The following ZPR1 variants were observed in gnomAD, a reference collection of about 807,000 sequenced individuals.
ZPR1 encodes ZPR1 zinc finger, also known as zinc finger protein ZPR1.
ZPR1 carries 37 observed loss-of-function variants against 59.6 expected under a neutral mutation model. The observed-to-expected ratio is 0.62, with a 90% CI of 0.48 to 0.82. The LOEUF is 0.82. Ranked by LOEUF, ZPR1 falls within the 40% of genes least tolerant of loss-of-function variation. ZPR1 has a pLI of 0.00. For synonymous variants in ZPR1, 191 were observed against 215.2 expected (o/e 0.89, Z 0.99); for missense variants, 527 against 579.9 (o/e 0.91, Z 0.94).
rs1323612337 is a variant in ZPR1 at position 116,775,479 on chromosome 11, T to G, written c.*3446A>C. The G allele has an allele frequency of 4.4e-5, 6 of 137,844 alleles. No individual in the cohort carries two copies. Among genetic ancestry groups the G allele is most frequent in the African/African-American group, 1.4e-4 (5 of 36,276 alleles). The allele number at this position is 137,844 out of a possible 1,614,324, so 8.5% of individuals were successfully genotyped here. A position where few individuals can be genotyped will look rare whatever the true frequency, so the allele number is the denominator to read the frequency against. ...TCCAAAAAAAAAAAAAAAAAAAAAA[T>G]TAGCCAGGCATGGTGGCGTGCACCT... On this transcript the variant is annotated 3_prime_UTR_variant, in exon 14 of 14. Transcript: ENST00000227322.
rs1940688563 is a variant in ZPR1 at position 116,774,069 on chromosome 11, G to GTTGA, written c.*4855_*4856insTCAA. The stretch of plus-strand genomic sequence containing the variant: ...CCTCATCATATATGTTAGATTGTCA[G>GTTGA]TTTTATCGTTTTCTTCCCAGCTTTA... On this transcript the variant is annotated 3_prime_UTR_variant, in exon 14 of 14. Transcript: ENST00000227322. 1 of 152,220 alleles carries GTTGA rather than the reference G, an allele frequency of 6.6e-6. No individual in the cohort carries two copies. The highest frequency in any genetic ancestry group is 1.5e-5 in the Non-Finnish European group (1 of 68,018). The allele number at this position is 152,220 out of a possible 1,614,324, so 9.4% of individuals were successfully genotyped here.
rs746708495 is a variant in ZPR1, at chr11:116,785,593, T to A, written c.626A>T (p.His209Leu). 23 of 1,614,086 alleles carry A rather than the reference T, an allele frequency of 1.4e-5. No homozygotes were observed. The highest frequency in any genetic ancestry group is 1.9e-5 in the Non-Finnish European group (22 of 1,180,044). ...PSGNSFVENP[H>L]APQKDDALVI... is the part of the protein sequence containing the mutation. ...CAGGGCATCATCTTTCTGAGGAGCA[T>A]GTGGGTTTTCCACAAAACTGTTCCC... Residue 209 changes from histidine (H) to leucine (L), a missense_variant, in exon 6 of 14, where the codon CAT becomes CTT. Coordinates refer to ENST00000227322, the MANE Select transcript of ZPR1 (RefSeq NM_003904.5).
In ZPR1 at chr11:116,787,495, A is replaced by T. The variant is rs762390641; in HGVS notation, c.320T>A (p.Val107Asp). 1 of 1,613,816 alleles carries T rather than the reference A, an allele frequency of 6.2e-7. No individual in the cohort carries two copies. Among genetic ancestry groups the T allele is most frequent in the Non-Finnish European group, 8.5e-7 (1 of 1,179,764 alleles). Residue 107 changes from valine to aspartate, a missense_variant, in exon 2 of 14, where the codon GTC becomes GAC. Transcript: ENST00000227322. Reference protein sequence around the residue: ...QDQGVRYTLSVRALEDMNREV... With the variant: ...QDQGVRYTLSDRALEDMNREV... ...AGGTCCTCTCACCTCCAGAGCCCTG[A>T]CAGACAAAGTGTAGCGCACTCCCTG...
At chr11:116,782,798 C>A in intron 11 of ZPR1, 121 bp downstream of exon 11, 1 of 730,282 alleles carries the variant, frequency 1.4e-6, no homozygotes. Context: ...CTTAAACCAG[C>A]TTTAAGGCAA....
intron 3 of ZPR1, 100 bp downstream of exon 3, chr11:116,786,869 A>T: frequency 1.0e-6 from 1 of 966,170 alleles, no homozygotes; most frequent in Non-Finnish European, 1.7e-6. Context: ...GGTAGAACCC[A>T]TACACAAACC....
At position 116,783,036 on chromosome 11, in the gene ZPR1, A is replaced by T. The variant is rs1417097762; in HGVS notation, c.982-7T>A. Reference sequence around the variant, plus strand: ...CCACACTGCAAGTCTCAGACTGTGAAATGAGAGGTCAGTTTAAGCTTTAAG... The same window carrying T: ...CCACACTGCAAGTCTCAGACTGTGATATGAGAGGTCAGTTTAAGCTTTAAG... On this transcript the variant is annotated splice_polypyrimidine_tract_variant and splice_region_variant and intron_variant, in intron 10 of 13. Coordinates refer to ENST00000227322, the MANE Select transcript of ZPR1 (RefSeq NM_003904.5). 12 of 1,609,906 alleles carry T rather than the reference A, an allele frequency of 7.5e-6. No homozygotes were observed. Among genetic ancestry groups the T allele is most frequent in the Non-Finnish European group, 1.0e-5 (12 of 1,176,226 alleles).
intron 4 of ZPR1, 42 bp from the exon 5 acceptor site, chr11:116,785,924 C>T: frequency 6.4e-7 from 1 of 1,553,792 alleles, no homozygotes; most frequent in Non-Finnish European, 8.9e-7. Context: ...TGGTGGTGTA[C>T]CTTATGCCCT....
chr11:116,783,539 G>A lies in ZPR1; in HGVS notation c.972C>T (p.Asp324=). 1 of 1,613,866 alleles carries A rather than the reference G, an allele frequency of 6.2e-7. No homozygotes were observed. The highest frequency in any genetic ancestry group is 1.1e-5 in the South Asian group (1 of 91,076). Residue 324 remains aspartate, a synonymous_variant, in exon 10 of 14, where the codon GAC becomes GAT. Transcript: ENST00000227322. ...CCAAGCAGACTGTTACCTTGAGGAGGTCTCTGGTCATATCTGAGGCATCTG... is the reference window on the plus strand; with the variant it reads ...CCAAGCAGACTGTTACCTTGAGGAGATCTCTGGTCATATCTGAGGCATCTG... The part of the protein sequence containing the change: ...HITDASDMTR[D]LLKSETCSVE...
At chr11:116,787,721 C>T (rs1940911360) in intron 1 of ZPR1, 78 bp from the exon 2 acceptor site, 2 of 1,538,118 alleles carry the variant, frequency 1.3e-6, no homozygotes, top group Non-Finnish European at 1.8e-6. Flanking sequence ...GGGCGCTCCT[C>T]GGGGTCCCCG....
In ZPR1 at chr11:116,773,880, C is replaced by A. The variant is rs1940685249; in HGVS notation, c.*5045G>T. 6.6e-6 allele frequency: 1 copy of A among 152,158 alleles called. No homozygotes were observed. Among genetic ancestry groups the A allele is most frequent in the Non-Finnish European group, 1.5e-5 (1 of 68,038 alleles). The allele number at this position is 152,158 out of a possible 1,614,324, so 9.4% of individuals were successfully genotyped here. ...ATTATCTCATTTAACCCTCACAATT[C>A]TCAAATCGTTTCATTATCATATTTT... On this transcript the variant is annotated 3_prime_UTR_variant, in exon 14 of 14. Coordinates refer to ENST00000227322, the MANE Select transcript of ZPR1 (RefSeq NM_003904.5).
In ZPR1 at chr11:116,775,456, CAAAAAAAAAAAA is replaced by C. The variant is rs556748837; in HGVS notation, c.*3457_*3468del. On this transcript the variant is annotated 3_prime_UTR_variant, in exon 14 of 14. Coordinates refer to ENST00000227322, the MANE Select transcript of ZPR1 (RefSeq NM_003904.5). The stretch of plus-strand genomic sequence containing the variant: ...CTGGGTGACAGAGCAAGACTGTCTC[CAAAAAAAAAAAA>C]AAAAAAAAAATTAGCCAGGCATGGT... 1.5e-5 allele frequency: 1 copy of C among 67,952 alleles called. No homozygotes were observed. The highest frequency in any genetic ancestry group is 5.2e-5 in the African/African-American group (1 of 19,314). The allele number at this position is 67,952 out of a possible 1,614,324, so 4.2% of individuals were successfully genotyped here.
Position 116,787,035 on chromosome 11 carries a change from T to G in ZPR1, c.358A>C (p.Thr120Pro), listed in dbSNP as rs777824616. Residue 120 changes from threonine (T) to proline (P), a missense_variant, in exon 3 of 14, where the codon ACT (threonine) becomes CCT (proline). Physicochemically the swap from Thr to Pro is conservative, Grantham distance 38 (BLOSUM62 -1). Transcript: ENST00000227322. Reference sequence around the variant, plus strand: ...GGAATCCTTGTGGCAGCAGAGTCAGTCTTCACCACTTCTCTGTTCATGTCC... The same window carrying G: ...GGAATCCTTGTGGCAGCAGAGTCAGGCTTCACCACTTCTCTGTTCATGTCC... ...LEDMNREVVKTDSAATRIPEL... is the reference protein window; with the variant it reads ...LEDMNREVVKPDSAATRIPEL... 17 of 1,614,198 alleles carry G rather than the reference T, an allele frequency of 1.1e-5. No individual in the cohort carries two copies. In the South Asian group the frequency reaches 1.9e-4, roughly 18 times the overall value.
At chr11:116,787,766 C>A in intron 1 of ZPR1, 54 bp downstream of exon 1, 1 of 1,521,850 alleles carries the variant, frequency 6.6e-7, no homozygotes, top group Non-Finnish European at 8.8e-7. Context: ...ACCCCCGGCT[C>A]GTCCCGGCAC....
rs1487918991 is a variant in ZPR1, at chr11:116,778,782, G to C, written c.*143C>G. On this transcript the variant is annotated 3_prime_UTR_variant, in exon 14 of 14. Coordinates refer to ENST00000227322, the MANE Select transcript of ZPR1 (RefSeq NM_003904.5). ...ACAAGCTGTTTAGAAAGTGTGCACA[G>C]ATCTCTGACTCAGACCAGATGTCCT... The C allele has an allele frequency of 9.8e-7, 1 of 1,025,174 alleles. No individual in the cohort carries two copies. The highest frequency in any genetic ancestry group is 1.4e-6 in the Non-Finnish European group (1 of 721,186). The allele number at this position is 1,025,174 out of a possible 1,614,324, so 63.5% of individuals were successfully genotyped here.
In ZPR1 at chr11:116,775,757, G is replaced by A. The variant is rs950027382; in HGVS notation, c.*3168C>T. The A allele has an allele frequency of 1.2e-5, 2 of 164,366 alleles. No homozygotes were observed. Among genetic ancestry groups the A allele is most frequent in the African/African-American group, 4.9e-5 (2 of 40,774 alleles). The allele number at this position is 164,366 out of a possible 1,614,324, so 10.2% of individuals were successfully genotyped here. ...TTATCCTAATTATCCCCATTTTACA[G>A]ACTAGGAAAACAAGCATTGGAAGTG... On this transcript the variant is annotated 3_prime_UTR_variant, in exon 14 of 14. Transcript: ENST00000227322.
rs574982222 is a variant in ZPR1 at position 116,778,671 on chromosome 11, C to T, written c.*254G>A. ...TGATATGAAAAAAGTGATGACATAC[C>T]CCTGGTTCATTTCTGGGTTTCCTCC... is the stretch of plus-strand genomic sequence containing the variant. On this transcript the variant is annotated 3_prime_UTR_variant, in exon 14 of 14. Coordinates refer to ENST00000227322, the MANE Select transcript of ZPR1 (RefSeq NM_003904.5). 10 of 447,512 alleles carry T rather than the reference C, an allele frequency of 2.2e-5. No individual in the cohort carries two copies. The South Asian group carries it at 3.4e-4, about 15-fold the overall frequency. 27.7% of individuals were successfully genotyped at this position (447,512 alleles called of 1,614,324 possible). A position where few individuals can be genotyped will look rare whatever the true frequency, so the allele number is the denominator to read the frequency against.
intron 12 of ZPR1, among the ~76,000 whole-genome samples, chr11:116,781,707 G>T (rs6589566): frequency 6.6e-6 from 1 of 152,166 alleles, no homozygotes; most frequent in Non-Finnish European, 1.5e-5. Flanking sequence ...GAAAGAAGAC[G>T]TGGAATATAG....
chr11:116,785,511 T>C lies in ZPR1; in HGVS notation c.705+3A>G, dbSNP rs1940870501. On this transcript the variant is annotated splice_donor_region_variant and intron_variant, in intron 6 of 13. Transcript: ENST00000227322. ...ATTCTTCTGGATCCTTCAGTCCACT[T>C]ACTTGAAGCCCCAGCATCTCTTCCT... 1 of 1,613,652 alleles carries C rather than the reference T, an allele frequency of 6.2e-7. No individual in the cohort carries two copies. The highest frequency in any genetic ancestry group is 1.7e-5 in the Admixed American group (1 of 59,878).
In ZPR1 at chr11:116,785,804, A is replaced by T; in HGVS notation, c.574T>A (p.Phe192Ile). The T allele has an allele frequency of 6.2e-7, 1 of 1,614,100 alleles. No homozygotes were observed. Among genetic ancestry groups the T allele is most frequent in the Non-Finnish European group, 8.5e-7 (1 of 1,179,938 alleles). ...LKELKQVASP[F>I]TLIIDDPSGN... ...AGCCTCTCAATACTCACCAGAGTGA[A>T]AGGGGAGGCTACTTGCTTTAGCTCC... The change falls in exon 5 of 14, where the codon TTC becomes ATC. Residue 192 changes from phenylalanine (F) to isoleucine (I), a missense_variant. Physicochemically the swap from Phe to Ile is conservative, Grantham distance 21 (BLOSUM62 0). Coordinates refer to ENST00000227322, the MANE Select transcript of ZPR1 (RefSeq NM_003904.5).
Sources: allele counts gnomAD v4.1 joint callset (sites outside exome capture counted in the v4.1 genomes callset), GRCh38; gene constraint gnomAD v4.1.1; transcripts MANE v1.5; gene names NCBI Gene and HGNC (gene_info 2026-07-23, HGNC 2026-07-21).